POGLUT3: variants seen among roughly 807,000 people sequenced by gnomAD.
POGLUT3 encodes KDEL (Lys-Asp-Glu-Leu) containing 2.
Under a neutral mutation model 54.3 loss-of-function variants are expected in POGLUT3, and 48 were observed. The observed-to-expected ratio is 0.88, with a 90% CI of 0.70 to 1.12. The LOEUF is 1.12. POGLUT3 is among the 50% of genes most tolerant of loss of function. The probability of loss-of-function intolerance (pLI) is 0.00; values close to 1 mark genes in which losing one functional copy is unlikely to be tolerated. For missense variants in POGLUT3, 629 were observed against 618.7 expected (o/e 1.02, Z -0.18); for synonymous variants, 218 against 237.4 (o/e 0.92, Z 0.75).
chr11:108,492,816 GA>G (rs889401720), intron 1 of POGLUT3, among the ~76,000 whole-genome samples: 3 of 152,120 alleles, frequency 2.0e-5, no homozygotes, highest in Admixed American at 2.0e-4. Context: ...AATTTAATAG[GA>G]AATTATTAGA....
At chr11:108,497,407 G>A (rs896518767) in intron 1 of POGLUT3, among the ~76,000 whole-genome samples, 15 of 152,130 alleles carry the variant, frequency 9.9e-5, no homozygotes, top group African/African-American at 3.6e-4. Context: ...TTGTCTCTTC[G>A]CTGATACAAC....
Position 108,474,972 on chromosome 11 carries a change from GGAA to G in POGLUT3, c.1399-23_1399-21del, listed in dbSNP as rs761763609. On this transcript the variant is annotated intron_variant, in intron 7 of 7. Transcript: ENST00000323468. ...ATATTTCTGAAACGTGGGTTTAAAG[GGAA>G]CTGAAAGGTTAGTTCACACTGCATT... 6 of 1,612,728 alleles carry G rather than the reference GGAA, an allele frequency of 3.7e-6. No homozygotes were observed. The highest frequency in any genetic ancestry group is 5.1e-6 in the Non-Finnish European group (6 of 1,179,386).
chr11:108,485,145 G>GA (rs34193498), intron 3 of POGLUT3, among the ~76,000 whole-genome samples: 3,510 of 146,862 alleles, frequency 0.024, 117 homozygotes, highest in African/African-American at 0.079. Context: ...ATGCACTGGT[G>GA]AAAAAAAAAA....
At chr11:108,477,523 G>A (rs940839270) in intron 7 of POGLUT3, 84 bp downstream of exon 7, 2 of 783,346 alleles carry the variant, frequency 2.6e-6, no homozygotes, top group Admixed American at 2.4e-5. Flanking sequence ...GAGTCCTTCA[G>A]GAAGCCAGGC....
Position 108,497,026 on chromosome 11 carries a change from C to T in POGLUT3, c.202+1139G>A, listed in dbSNP as rs575353935. Among the ~76,000 whole-genome samples, 6 of 152,332 alleles carry T rather than the reference C, an allele frequency of 3.9e-5. No homozygotes were observed. The South Asian group carries it at 1.2e-3, about 32-fold the overall frequency. On this transcript the variant is annotated intron_variant, in intron 1 of 7. Transcript: ENST00000323468. ...CTGCTCCTGAAATCTTCCTGGATTT[C>T]TCCAGTCTCTGGCAGTGCTTCAATG...
At chr11:108,483,354 G>A (rs2093596391) in intron 3 of POGLUT3, among the ~76,000 whole-genome samples, 1 of 152,046 alleles carries the variant, frequency 6.6e-6, no homozygotes, top group Non-Finnish European at 1.5e-5. Context: ...TATTTAACTT[G>A]GCAGTCTCCT....
At chr11:108,489,299 C>T (rs977660355) in intron 2 of POGLUT3, among the ~76,000 whole-genome samples, 1 of 152,110 alleles carries the variant, frequency 6.6e-6, no homozygotes, top group South Asian at 2.1e-4. Context: ...GAACAGAAAA[C>T]ATATTTGAAG....
Position 108,474,687 on chromosome 11 carries a change from T to G in POGLUT3, c.*140A>C. 1 of 808,306 alleles carries G rather than the reference T, an allele frequency of 1.2e-6. No homozygotes were observed. Among genetic ancestry groups the G allele is most frequent in the Non-Finnish European group, 1.9e-6 (1 of 514,472 alleles). 50.1% of individuals were successfully genotyped at this position (808,306 alleles called of 1,614,324 possible). A position where few individuals can be genotyped will look rare whatever the true frequency, so the allele number is the denominator to read the frequency against. ...CAGATGAGGGATACTCAACCAGTACTGCTATATCCATCTACATATATAAAG... is the reference window on the plus strand; with the variant it reads ...CAGATGAGGGATACTCAACCAGTACGGCTATATCCATCTACATATATAAAG... On this transcript the variant is annotated 3_prime_UTR_variant, in exon 8 of 8. Transcript: ENST00000323468.
intron 7 of POGLUT3, among the ~76,000 whole-genome samples, chr11:108,475,444 T>C (rs535635851): frequency 4.0e-5 from 6 of 150,692 alleles, no homozygotes; most frequent in Non-Finnish European, 5.9e-5. Flanking sequence ...GAAATATTTC[T>C]ATAAATGGAG....
rs1306456748 is a variant in POGLUT3, at chr11:108,482,215, A to G, written c.692T>C (p.Leu231Pro). The change falls in exon 4 of 8, where the codon CTC becomes CCC. Residue 231 changes from leucine (L) to proline (P), a missense_variant. Physicochemically the swap from Leu to Pro is moderately conservative, Grantham distance 98 (BLOSUM62 -3). Transcript: ENST00000323468. ...ILLSLTRKVLLPDLEFYVNLG... is the reference protein window; with the variant it reads ...ILLSLTRKVLPPDLEFYVNLG... ...ATTAACATAAAATTCTAAATCTGGG[A>G]GAAGGACCTAAATAAACATATAAAC... is the stretch of plus-strand genomic sequence containing the variant. The G allele has an allele frequency of 6.2e-7, 1 of 1,611,588 alleles. No homozygotes were observed. The highest frequency in any genetic ancestry group is 8.5e-7 in the Non-Finnish European group (1 of 1,177,880).
chr11:108,485,846 T>C (rs993618747), intron 3 of POGLUT3, among the ~76,000 whole-genome samples: 2 of 151,918 alleles, frequency 1.3e-5, no homozygotes, highest in Non-Finnish European at 2.9e-5. Context: ...TTAGTAGAGA[T>C]GGGGTTTTGC....
chr11:108,479,486 G>A lies in POGLUT3; in HGVS notation c.1108C>T (p.Gln370Ter). 6.3e-7 allele frequency: 1 copy of A among 1,591,386 alleles called. No individual in the cohort carries two copies. The highest frequency in any genetic ancestry group is 1.4e-5 in the African/African-American group (1 of 73,718). The part of the protein sequence containing the change: ...GFFDFFKYKY[Q>*]VNVDGTVAAY... ...GCCACGGTCCCATCCACATTTACTTGATACTTGTACTGGAAGATGAAAAAC... is the reference window on the plus strand; with the variant it reads ...GCCACGGTCCCATCCACATTTACTTAATACTTGTACTGGAAGATGAAAAAC... The change falls in exon 6 of 8, where the codon CAA (glutamine) becomes TAA (stop). Residue 370 changes from glutamine (Q) to a stop codon, truncating the protein, a stop_gained. Coordinates refer to ENST00000323468, the MANE Select transcript of POGLUT3 (RefSeq NM_153705.5). LOFTEE classifies it high-confidence loss of function.
chr11:108,487,516 T>G (rs180753747), intron 2 of POGLUT3, among the ~76,000 whole-genome samples: 159 of 151,502 alleles, frequency 1.0e-3, no homozygotes, highest in Non-Finnish European at 1.7e-3. Context: ...CTCACTGAAT[T>G]GAATATTTGG....
chr11:108,472,204 C>A lies in POGLUT3; in HGVS notation c.*2623G>T, dbSNP rs1379083313. 6.6e-6 allele frequency: 1 copy of A among 151,826 alleles called. No homozygotes were observed. Among genetic ancestry groups the A allele is most frequent in the Non-Finnish European group, 1.5e-5 (1 of 67,956 alleles). The allele number at this position is 151,826 out of a possible 1,614,324, so 9.4% of individuals were successfully genotyped here. A position where few individuals can be genotyped will look rare whatever the true frequency, so the allele number is the denominator to read the frequency against. ...GTTCTAAACATAGATTTAAAAAGAG[C>A]AAAATGGAAAAAATATAAATATTTG... On this transcript the variant is annotated 3_prime_UTR_variant, in exon 8 of 8. Coordinates refer to ENST00000323468, the MANE Select transcript of POGLUT3 (RefSeq NM_153705.5).
At chr11:108,496,233 A>C (rs2093622049) in intron 1 of POGLUT3, among the ~76,000 whole-genome samples, 1 of 151,942 alleles carries the variant, frequency 6.6e-6, no homozygotes, top group Admixed American at 6.6e-5. Flanking sequence ...AGGCAAGAGG[A>C]TCCCTTGAGG....
chr11:108,482,743 C>T (rs1395424690), intron 3 of POGLUT3, among the ~76,000 whole-genome samples: 1 of 151,820 alleles, frequency 6.6e-6, no homozygotes, highest in Non-Finnish European at 1.5e-5. Context: ...AAGACTCTGT[C>T]TCCAAAAAAA....
chr11:108,482,931 G>C (rs1415194010), intron 3 of POGLUT3, among the ~76,000 whole-genome samples: 1 of 151,898 alleles, frequency 6.6e-6, no homozygotes, highest in Non-Finnish European at 1.5e-5. Flanking sequence ...ATGTGCCCTT[G>C]CCTCTGGAAC....
At chr11:108,482,565 G>T (rs1211151389) in intron 3 of POGLUT3, among the ~76,000 whole-genome samples, 1 of 152,022 alleles carries the variant, frequency 6.6e-6, no homozygotes, top group Non-Finnish European at 1.5e-5. Flanking sequence ...TGGCCAACAT[G>T]GTGAAACCCT....
intron 1 of POGLUT3, among the ~76,000 whole-genome samples, chr11:108,497,765 T>A (rs917892161): frequency 6.6e-6 from 1 of 152,230 alleles, no homozygotes; most frequent in Non-Finnish European, 1.5e-5. Flanking sequence ...GCCTAAGCCA[T>A]GTAATCCGAC....
Sources: gnomAD v4.1 joint callset for allele counts (sites outside exome capture counted in the v4.1 genomes callset) on GRCh38, gnomAD v4.1.1 for gene constraint, MANE v1.5 for transcripts, NCBI Gene and HGNC (gene_info 2026-07-23, HGNC 2026-07-21) for gene names.